The following ITGA9 variants were observed in gnomAD, a reference collection of about 807,000 sequenced individuals.
The protein encoded by ITGA9 is integrin alpha-9.
ITGA9 carries 56 observed loss-of-function variants against 127.8 expected under a neutral mutation model. That is an observed-to-expected ratio of 0.44 (90% CI 0.35 to 0.55). The LOEUF (loss-of-function observed/expected upper bound fraction) is 0.55. Ranked by LOEUF, ITGA9 falls within the 20% of genes least tolerant of loss-of-function variation. The pLI, the probability that ITGA9 is intolerant of heterozygous loss-of-function variation, is 0.00. For synonymous variants in ITGA9, 508 were observed against 514.5 expected, an observed-to-expected ratio of 0.99 and a Z score of 0.17; for missense variants, 1,196 against 1,347.1, an observed-to-expected ratio of 0.89 and a Z score of 1.76.
rs548724288 is a variant in ITGA9, at chr3:37,495,013, A to G, written c.612+445A>G. 6.7e-4 allele frequency among the ~76,000 whole-genome samples: 102 copies of G among 152,160 alleles called. 1 individual carries two copies. Among genetic ancestry groups the G allele is most frequent in the African/African-American group, 1.6e-3 (66 of 41,496 alleles). ...TTTCGAGACAGAGTCTTGCTATGTC[A>G]CTCAAGCTGGAGTGCAGTGGCATGA... On this transcript the variant is annotated intron_variant, in intron 5 of 27. Coordinates refer to ENST00000264741, the MANE Select transcript of ITGA9 (RefSeq NM_002207.3).
At chr3:37,748,304 A>G (rs879007939) in intron 22 of ITGA9, 2 of 542,794 alleles carry the variant, frequency 3.7e-6, no homozygotes, top group South Asian at 3.0e-5. Context: ...GAAAGAGTCT[A>G]CGGTGTTACC....
At chr3:37,506,143 C>A in intron 7 of ITGA9, 58 bp downstream of exon 7, 1 of 1,287,906 alleles carries the variant, frequency 7.8e-7, no homozygotes, top group Non-Finnish European at 1.1e-6. Flanking sequence ...AGCATGCTGT[C>A]CCTGGTGCAG....
intron 17 of ITGA9, among the ~76,000 whole-genome samples, chr3:37,674,763 C>T (rs1262026541): frequency 6.6e-6 from 1 of 152,146 alleles, no homozygotes; most frequent in Non-Finnish European, 1.5e-5. Context: ...GTCACCCACA[C>T]CCACATTTGG....
chr3:37,676,298 T>C (rs1036778865), intron 17 of ITGA9, among the ~76,000 whole-genome samples: 1 of 152,234 alleles, frequency 6.6e-6, no homozygotes, highest in Non-Finnish European at 1.5e-5. Context: ...AACTCATGTG[T>C]ATGTTAAACT....
intron 18 of ITGA9, among the ~76,000 whole-genome samples, chr3:37,699,617 C>G (rs1559571535): frequency 6.6e-6 from 1 of 152,232 alleles, no homozygotes; most frequent in East Asian, 1.9e-4. Context: ...CACTCCTCCT[C>G]TTACACTCCT....
intron 26 of ITGA9, among the ~76,000 whole-genome samples, chr3:37,797,786 C>G (rs572368011): frequency 6.6e-6 from 1 of 151,922 alleles, no homozygotes; most frequent in Non-Finnish European, 1.5e-5. Flanking sequence ...AGTGCAGTGG[C>G]ACAATCTCAG....
At chr3:37,531,580 CT>C (rs1364845316) in intron 13 of ITGA9, among the ~76,000 whole-genome samples, 3 of 152,112 alleles carry the variant, frequency 2.0e-5, no homozygotes, top group African/African-American at 7.2e-5. Context: ...GAGGTGGCCC[CT>C]GGGGATGATG....
rs2125649853 is a variant in ITGA9, at chr3:37,658,060, G to C, written c.1916+4270G>C. The stretch of plus-strand genomic sequence containing the variant: ...TGATTTCACTGTGGTCTGAGAGACT[G>C]TTATGATTTCTGTTCTTTTGCATTT... On this transcript the variant is annotated intron_variant, in intron 17 of 27. Coordinates refer to ENST00000264741, the MANE Select transcript of ITGA9 (RefSeq NM_002207.3). Among the ~76,000 whole-genome samples, 3 of 152,278 alleles carry C rather than the reference G, an allele frequency of 2.0e-5. No individual in the cohort carries two copies. The South Asian group carries it at 6.2e-4, about 32-fold the overall frequency.
At chr3:37,731,107 C>G (rs1289377761) in intron 18 of ITGA9, among the ~76,000 whole-genome samples, 1 of 152,234 alleles carries the variant, frequency 6.6e-6, no homozygotes, top group Non-Finnish European at 1.5e-5. Flanking sequence ...AATTTTATCA[C>G]TCAATAATTT....
intron 15 of ITGA9, among the ~76,000 whole-genome samples, chr3:37,590,901 G>A (rs1479748383): frequency 2.0e-5 from 3 of 152,166 alleles, no homozygotes; most frequent in Non-Finnish European, 4.4e-5. Flanking sequence ...TGTTTCAGGA[G>A]GAACTCTGCC....
chr3:37,812,791 C>G (rs950502370), intron 27 of ITGA9, among the ~76,000 whole-genome samples: 1 of 152,224 alleles, frequency 6.6e-6, no homozygotes, highest in African/African-American at 2.4e-5. Flanking sequence ...GCTTGCCCCT[C>G]AAATGGTGAA....
At chr3:37,710,492 C>G (rs903110899) in intron 18 of ITGA9, among the ~76,000 whole-genome samples, 3 of 152,172 alleles carry the variant, frequency 2.0e-5, no homozygotes, top group Non-Finnish European at 2.9e-5. Context: ...TGTCTTGATC[C>G]TGGGCTCGCA....
At chr3:37,554,202 C>T (rs903247732) in intron 15 of ITGA9, among the ~76,000 whole-genome samples, 11 of 151,902 alleles carry the variant, frequency 7.2e-5, no homozygotes, top group Non-Finnish European at 1.3e-4. Context: ...CCCAGTGAAG[C>T]GGGTTTGGGA....
At chr3:37,543,987 G>A (rs1699301420) in intron 15 of ITGA9, among the ~76,000 whole-genome samples, 1 of 152,226 alleles carries the variant, frequency 6.6e-6, no homozygotes, top group Admixed American at 6.5e-5. Flanking sequence ...TGCCTTTGGT[G>A]GGGTGTGAGG....
intron 17 of ITGA9, 61 bp downstream of exon 17, chr3:37,653,851 C>T: frequency 8.1e-7 from 1 of 1,228,042 alleles, no homozygotes; most frequent in Non-Finnish European, 1.2e-6. Flanking sequence ...CCCCAGGTCC[C>T]AAACCTGAAT....
intron 15 of ITGA9, among the ~76,000 whole-genome samples, chr3:37,566,622 A>G (rs1284999368): frequency 2.0e-5 from 3 of 152,192 alleles, no homozygotes; most frequent in African/African-American, 4.8e-5. Flanking sequence ...TGGGGCTCCT[A>G]TGGTGGGTGT....
intron 14 of ITGA9, among the ~76,000 whole-genome samples, chr3:37,541,212 T>C (rs1336320211): frequency 6.6e-6 from 1 of 152,208 alleles, no homozygotes; most frequent in Non-Finnish European, 1.5e-5. Context: ...AGCCCCCAGA[T>C]TCTAAGAGGC....
chr3:37,695,321 A>G (rs1229587548), intron 18 of ITGA9, among the ~76,000 whole-genome samples: 3 of 152,204 alleles, frequency 2.0e-5, no homozygotes, highest in Non-Finnish European at 1.5e-5. Context: ...AAGGGAGTCC[A>G]AGGAGCATTG....
At chr3:37,468,021 C>T (rs966595127) in intron 1 of ITGA9, among the ~76,000 whole-genome samples, 4 of 152,110 alleles carry the variant, frequency 2.6e-5, no homozygotes, top group Admixed American at 6.5e-5. Context: ...ATTTGAGTTA[C>T]AGCAGACAAG....
Sources: gnomAD v4.1 joint callset for allele counts (sites outside exome capture counted in the v4.1 genomes callset) on GRCh38, gnomAD v4.1.1 for gene constraint, MANE v1.5 for transcripts, NCBI Gene and HGNC (gene_info 2026-07-23, HGNC 2026-07-21) for gene names.